ZFAT: variants seen among roughly 807,000 people sequenced by gnomAD.
ZFAT encodes the protein zinc finger and AT-hook domain containing.
ZFAT carries 64 observed loss-of-function variants against 117.7 expected under a neutral mutation model. The observed-to-expected ratio is 0.54, with a 90% CI of 0.44 to 0.67. ZFAT has a LOEUF of 0.67. Ranked by LOEUF, ZFAT falls within the 30% of genes least tolerant of loss-of-function variation. The pLI, the probability that ZFAT is intolerant of heterozygous loss-of-function variation, is 0.00. For synonymous variants in ZFAT, 679 were observed against 615.0 expected, an observed-to-expected ratio of 1.10 and a Z score of -1.54; for missense variants, 1,433 against 1,584.5, an observed-to-expected ratio of 0.90 and a Z score of 1.62.
At chr8:134,594,988 A>T (rs1342357005) in intron 7 of ZFAT, 2 of 152,208 alleles carry the variant, frequency 1.3e-5, no homozygotes, top group African/African-American at 4.8e-5. Context: ...TAAATAACAG[A>T]TTCTCAGATC....
chr8:134,665,440 G>C (rs1832162312), intron 1 of ZFAT, among the ~76,000 whole-genome samples: 1 of 152,238 alleles, frequency 6.6e-6, no homozygotes, highest in African/African-American at 2.4e-5. Context: ...ATGAGGCAGA[G>C]TGTCCTCCTC....
intron 3 of ZFAT, among the ~76,000 whole-genome samples, chr8:134,612,341 C>T (rs1474102788): frequency 6.6e-6 from 1 of 152,156 alleles, no homozygotes; most frequent in Non-Finnish European, 1.5e-5. Context: ...CAGGAGAAAC[C>T]AAAGGGAGAT....
chr8:134,481,463 C>T lies in ZFAT; in HGVS notation c.3493-2742G>A, dbSNP rs75968714. On this transcript the variant is annotated intron_variant, in intron 15 of 15. Transcript: ENST00000377838. ...ATTCTGTGGACATAGTGACTGCCAC[C>T]GAAGCGAACCCTAAAGAGGACAGTG... 3.8e-3 allele frequency among the ~76,000 whole-genome samples: 577 copies of T among 152,292 alleles called. 2 individuals carry two copies. Among genetic ancestry groups the T allele is most frequent in the African/African-American group, 0.014 (562 of 41,552 alleles).
intron 1 of ZFAT, among the ~76,000 whole-genome samples, chr8:134,706,641 G>A (rs1193354859): frequency 1.3e-5 from 2 of 152,056 alleles, no homozygotes; most frequent in Non-Finnish European, 2.9e-5. Context: ...GCAGTGAGCC[G>A]AGATCGTGCC....
chr8:134,523,233 G>A (rs996135765), intron 12 of ZFAT, among the ~76,000 whole-genome samples: 9 of 152,276 alleles, frequency 5.9e-5, no homozygotes, highest in African/African-American at 2.2e-4. Context: ...CCACGGCTGG[G>A]TGGCTGGGCC....
the ZFAT span, among the ~76,000 whole-genome samples, chr8:134,829,333 C>T: frequency 2.6e-5 from 4 of 152,210 alleles, no homozygotes; most frequent in African/African-American, 4.8e-5. Context: ...CTTCTTCCAA[C>T]GTGGCCCGGG....
intron 11 of ZFAT, among the ~76,000 whole-genome samples, chr8:134,556,075 G>T (rs1586701838): frequency 1.1e-5 from 1 of 89,498 alleles, no homozygotes; most frequent in African/African-American, 4.7e-5. Flanking sequence ...AAGGAAGGAA[G>T]GGAAGGAAGG....
At chr8:134,632,375 T>C (rs1401229557) in intron 3 of ZFAT, among the ~76,000 whole-genome samples, 2 of 152,200 alleles carry the variant, frequency 1.3e-5, no homozygotes, top group Non-Finnish European at 2.9e-5. Flanking sequence ...TGGCCAACAG[T>C]AGATTATTAC....
chr8:134,513,965 G>A (rs1488922815), intron 13 of ZFAT, among the ~76,000 whole-genome samples: 2 of 152,208 alleles, frequency 1.3e-5, no homozygotes, highest in African/African-American at 2.4e-5. Context: ...CAGATTAGCC[G>A]ACAGTAGATC....
At chr8:134,756,589 C>T in the ZFAT span, among the ~76,000 whole-genome samples, 3 of 152,226 alleles carry the variant, frequency 2.0e-5, no homozygotes, top group African/African-American at 7.2e-5. Context: ...CCCTGTCCTC[C>T]AGATGCTGGG....
intron 10 of ZFAT, among the ~76,000 whole-genome samples, chr8:134,583,566 T>C (rs192073708): frequency 1.4e-4 from 21 of 152,232 alleles, no homozygotes; most frequent in African/African-American, 4.6e-4. Context: ...AGACACCTCC[T>C]TTCCTGAAGC....
At chr8:134,805,208 T>C in the ZFAT span, among the ~76,000 whole-genome samples, 126 of 152,200 alleles carry the variant, frequency 8.3e-4, 2 homozygotes, top group East Asian at 0.023. Flanking sequence ...TACCCTGATA[T>C]CCTACATGAG....
At chr8:134,656,955 C>A (rs1278038674) in intron 2 of ZFAT, among the ~76,000 whole-genome samples, 1 of 152,214 alleles carries the variant, frequency 6.6e-6, no homozygotes, top group African/African-American at 2.4e-5. Flanking sequence ...TCTCACTTTG[C>A]ACGCTGACTG....
chr8:134,528,298 T>C (rs756454023), intron 12 of ZFAT, among the ~76,000 whole-genome samples: 4 of 152,258 alleles, frequency 2.6e-5, no homozygotes, highest in Non-Finnish European at 4.4e-5. Flanking sequence ...CACAGGGCCA[T>C]TGTGAGAGAT....
the ZFAT span, among the ~76,000 whole-genome samples, chr8:134,746,100 T>C: frequency 1.3e-5 from 2 of 152,206 alleles, no homozygotes; most frequent in East Asian, 1.9e-4. Context: ...TACCATTATA[T>C]TGATTTCCTC....
At chr8:134,686,744 G>A (rs1435851669) in intron 1 of ZFAT, among the ~76,000 whole-genome samples, 1 of 152,092 alleles carries the variant, frequency 6.6e-6, no homozygotes, top group Non-Finnish European at 1.5e-5. Context: ...CTTAGTGCCT[G>A]GCCCCTCAGA....
At chr8:134,747,211 C>T in the ZFAT span, among the ~76,000 whole-genome samples, 3 of 152,136 alleles carry the variant, frequency 2.0e-5, no homozygotes, top group African/African-American at 7.2e-5. Context: ...ACCTCAGCCT[C>T]CCAAGTAGCT....
Position 134,653,270 on chromosome 8 carries a change from T to TTAAAAA in ZFAT, c.196+4290_196+4291insTTTTTA, listed in dbSNP as rs1554615159. 2.7e-3 allele frequency among the ~76,000 whole-genome samples: 251 copies of TTAAAAA among 91,834 alleles called. 12 individuals are homozygous for TTAAAAA. The highest frequency in any genetic ancestry group is 5.9e-3 in the South Asian group (14 of 2,382). The allele number at this position is 91,834 out of a possible 152,430, so 60.2% of individuals were successfully genotyped here. ...TTGGAACCAACCCAAATGTCTTTTT[T>TTAAAAA]AAAAAAAAAAAAAAAAAAAAACAAA... On this transcript the variant is annotated intron_variant, in intron 2 of 15. Coordinates refer to ENST00000377838, the MANE Select transcript of ZFAT (RefSeq NM_020863.4).
chr8:134,724,061 A>G, the ZFAT span: 1 of 152,374 alleles, frequency 6.6e-6, no homozygotes. Flanking sequence ...TTCCATTCTT[A>G]GGAGTCAGGG....
Sources: allele counts gnomAD v4.1 joint callset (sites outside exome capture counted in the v4.1 genomes callset), GRCh38; gene constraint gnomAD v4.1.1; transcripts MANE v1.5; gene names NCBI Gene and HGNC (gene_info 2026-07-23, HGNC 2026-07-21).